USP54: variants seen among roughly 807,000 people sequenced by gnomAD.
USP54 encodes ubiquitin carboxyl-terminal hydrolase 54.
USP54 carries 87 observed loss-of-function variants against 170.5 expected under a neutral mutation model. The observed-to-expected ratio is 0.51, with a 90% confidence interval of 0.43 to 0.61. The LOEUF is 0.61. Among genes scored for constraint, USP54 ranks in the 20% least tolerant of loss-of-function variants. The pLI is 0.00. For synonymous variants in USP54, 655 were observed against 742.8 expected (o/e 0.88, Z 1.92); for missense variants, 1,786 against 2,047.8 (o/e 0.87, Z 2.47).
chr10:73,596,518 C>CAA (rs2078745124), intron 1 of USP54, among the ~76,000 whole-genome samples: 1 of 151,654 alleles, frequency 6.6e-6, no homozygotes, highest in African/African-American at 2.4e-5. Flanking sequence ...GAGATCGCAC[C>CAA]ACTGCACTCC....
chr10:73,554,189 C>T (rs996785306), intron 4 of USP54, among the ~76,000 whole-genome samples: 3 of 152,174 alleles, frequency 2.0e-5, no homozygotes, highest in Non-Finnish European at 4.4e-5. Context: ...AAGGTTGTCA[C>T]TAATTTTGGT....
At chr10:73,612,069 G>A (rs542590468) in intron 1 of USP54, among the ~76,000 whole-genome samples, 42 of 152,036 alleles carry the variant, frequency 2.8e-4, no homozygotes, top group Non-Finnish European at 5.1e-4. Context: ...TTGAGATCCC[G>A]CCACTGCACT....
intron 10 of USP54, chr10:73,537,745 C>T (rs2065537702): frequency 7.9e-6 from 1 of 125,820 alleles, no homozygotes; most frequent in African/African-American, 3.6e-5. Context: ...TCAATCAACA[C>T]ACACATTAAA....
chr10:73,519,315 C>T (rs934019389), intron 19 of USP54: 1 of 170,616 alleles, frequency 5.9e-6, no homozygotes, highest in African/African-American at 2.4e-5. Context: ...GAACTTCTTT[C>T]CTAGTCCTGA....
intron 1 of USP54, among the ~76,000 whole-genome samples, chr10:73,614,755 C>A (rs1260633366): frequency 6.7e-6 from 1 of 149,402 alleles, no homozygotes; most frequent in African/African-American, 2.6e-5. Flanking sequence ...AAGATAAATT[C>A]CAAATCAGTT....
intron 1 of USP54, among the ~76,000 whole-genome samples, chr10:73,586,255 A>G (rs1455813445): frequency 6.6e-6 from 1 of 152,126 alleles, no homozygotes; most frequent in African/African-American, 2.4e-5. Context: ...CTTGACTCTA[A>G]TATTGCCTCT....
chr10:73,604,986 A>C (rs2079504713), intron 1 of USP54, among the ~76,000 whole-genome samples: 1 of 152,122 alleles, frequency 6.6e-6, no homozygotes, highest in Admixed American at 6.5e-5. Context: ...TGATCGGTCC[A>C]TTTTACAGAG....
At chr10:73,599,212 T>G (rs1283619827) in intron 1 of USP54, among the ~76,000 whole-genome samples, 1 of 152,168 alleles carries the variant, frequency 6.6e-6, no homozygotes, top group East Asian at 1.9e-4. Context: ...ACTTAACCAA[T>G]CAATGAAATT....
At chr10:73,519,692 C>T in intron 19 of USP54, 105 bp downstream of exon 19, 1 of 1,525,308 alleles carries the variant, frequency 6.6e-7, no homozygotes, top group Non-Finnish European at 8.9e-7. Context: ...CAGAGGACTC[C>T]TCTCTCCCCT....
chr10:73,530,100 A>T, intron 14 of USP54, 43 bp downstream of exon 14: 1 of 1,549,372 alleles, frequency 6.5e-7, no homozygotes, highest in Non-Finnish European at 8.7e-7. Flanking sequence ...GACATAAATC[A>T]ACTTTATTCA....
At chr10:73,511,355 C>A (rs1367938560) in intron 20 of USP54, among the ~76,000 whole-genome samples, 1 of 149,648 alleles carries the variant, frequency 6.7e-6, no homozygotes, top group African/African-American at 2.5e-5. Context: ...TTTTTTTTAG[C>A]ATTTTTTGAA....
chr10:73,538,140 G>A (rs902719705), intron 10 of USP54: 1 of 152,138 alleles, frequency 6.6e-6, no homozygotes, highest in Admixed American at 6.6e-5. Context: ...GGGAGGCAGA[G>A]GTTGCAGTGA....
intron 4 of USP54, among the ~76,000 whole-genome samples, chr10:73,559,644 C>T (rs1057023455): frequency 5.9e-5 from 9 of 151,518 alleles, no homozygotes; most frequent in African/African-American, 2.2e-4. Context: ...AAGAGAATCA[C>T]TTGAACCTGG....
chr10:73,520,736 G>A (rs1426167020), intron 18 of USP54, among the ~76,000 whole-genome samples, 172 bp downstream of exon 18: 1 of 152,222 alleles, frequency 6.6e-6, no homozygotes, highest in African/African-American at 2.4e-5. Flanking sequence ...CAGTGCCAGT[G>A]CCAGGTACAC....
chr10:73,535,198 G>C (rs1390214065), intron 11 of USP54, among the ~76,000 whole-genome samples: 1 of 152,090 alleles, frequency 6.6e-6, no homozygotes, highest in Non-Finnish European at 1.5e-5. Flanking sequence ...TTTTTGAATT[G>C]ATACCAGATG....
At chr10:73,520,368 T>G (rs2061712671) in intron 18 of USP54, among the ~76,000 whole-genome samples, 1 of 152,142 alleles carries the variant, frequency 6.6e-6, no homozygotes. Flanking sequence ...AGAAATAAGA[T>G]CCAAACCTGC....
intron 1 of USP54, among the ~76,000 whole-genome samples, chr10:73,588,492 G>A (rs920127939): frequency 9.9e-5 from 15 of 152,250 alleles, no homozygotes; most frequent in African/African-American, 3.6e-4. Flanking sequence ...CCAAAGTGCT[G>A]CGATTACAGG....
rs1218862575 is a variant in USP54, at chr10:73,498,765, T to C, written c.4919A>G (p.Asp1640Gly). Reference sequence around the variant, plus strand: ...GGCATAACTGCTTTGCCTCCAGTCATCATCTGGGGGCATATCTACTCTTCG... The same window carrying C: ...GGCATAACTGCTTTGCCTCCAGTCACCATCTGGGGGCATATCTACTCTTCG... Reference protein sequence around the residue: ...GPRRVDMPPDDDWRQSSYASH... With the variant: ...GPRRVDMPPDGDWRQSSYASH... The change falls in exon 24 of 24, where the codon GAT becomes GGT. Residue 1640 changes from aspartate to glycine, a missense_variant. Physicochemically the swap from Asp to Gly is moderately conservative, Grantham distance 94. Transcript: ENST00000687698. 2 of 1,613,732 alleles carry C rather than the reference T, an allele frequency of 1.2e-6. No homozygotes were observed. The highest frequency in any genetic ancestry group is 2.2e-5 in the East Asian group (1 of 44,894).
At chr10:73,569,767 A>G (rs935284800) in intron 4 of USP54, among the ~76,000 whole-genome samples, 2 of 138,386 alleles carry the variant, frequency 1.4e-5, no homozygotes, top group Non-Finnish European at 1.6e-5. Context: ...AAAAAAAAGA[A>G]AAAAAAAAAT....
Sources: gnomAD v4.1 joint callset for allele counts (sites outside exome capture counted in the v4.1 genomes callset) on GRCh38, gnomAD v4.1.1 for gene constraint, MANE v1.5 for transcripts, NCBI Gene and HGNC (gene_info 2026-07-23, HGNC 2026-07-21) for gene names.